CNTN4: variants seen among roughly 807,000 people sequenced by gnomAD.
The protein encoded by CNTN4 is contactin-4.
In CNTN4, 77 loss-of-function variants were observed where a neutral mutation model predicts 122.5. The observed-to-expected ratio is 0.63, with a 90% CI of 0.52 to 0.76. The LOEUF (loss-of-function observed/expected upper bound fraction) is 0.76, where lower values mean the gene tolerates loss of function less well. CNTN4 is among the 30% of genes least tolerant of loss of function. The pLI is 0.00. For synonymous variants in CNTN4, 512 were observed against 447.0 expected (o/e 1.15, Z -1.83); for missense variants, 1,256 against 1,259.1 (o/e 1.00, Z 0.04).
chr3:2,717,071 A>G (rs2087538548), intron 4 of CNTN4, among the ~76,000 whole-genome samples: 1 of 152,116 alleles, frequency 6.6e-6, no homozygotes, highest in Non-Finnish European at 1.5e-5. Flanking sequence ...TACTGCTATG[A>G]ACACTTGTGT....
intron 4 of CNTN4, among the ~76,000 whole-genome samples, chr3:2,708,318 T>G (rs1428870949): frequency 1.3e-5 from 2 of 152,114 alleles, no homozygotes; most frequent in African/African-American, 4.8e-5. Context: ...GAAATGGGGT[T>G]TCCAACAAAA....
chr3:2,955,222 A>T (rs1010618120), intron 13 of CNTN4, among the ~76,000 whole-genome samples: 4 of 152,334 alleles, frequency 2.6e-5, no homozygotes, highest in African/African-American at 9.6e-5. Context: ...AATGAGCAAG[A>T]TTAGATGCAA....
chr3:2,174,770 T>C (rs1187608109), intron 2 of CNTN4, among the ~76,000 whole-genome samples: 1 of 152,200 alleles, frequency 6.6e-6, no homozygotes, highest in African/African-American at 2.4e-5. Context: ...TGGCATCTGC[T>C]CAGCTTCTGG....
At chr3:2,418,922 A>G (rs2047515858) in intron 3 of CNTN4, among the ~76,000 whole-genome samples, 1 of 152,190 alleles carries the variant, frequency 6.6e-6, no homozygotes, top group Non-Finnish European at 1.5e-5. Context: ...TACAACCCGT[A>G]GGATGAAAAA....
At chr3:2,668,434 A>G (rs927027038) in intron 4 of CNTN4, among the ~76,000 whole-genome samples, 2 of 152,172 alleles carry the variant, frequency 1.3e-5, no homozygotes, top group South Asian at 2.1e-4. Flanking sequence ...ATTTTTGCAC[A>G]TTGATTTTGT....
chr3:3,034,611 G>C, intron 16 of CNTN4, 21 bp from the exon 17 acceptor site: 1 of 1,613,608 alleles, frequency 6.2e-7, no homozygotes, highest in East Asian at 2.2e-5. Flanking sequence ...CTCCAATTCT[G>C]GGGGTCTTGC....
intron 3 of CNTN4, among the ~76,000 whole-genome samples, chr3:2,509,519 A>T (rs1166471643): frequency 2.0e-5 from 3 of 152,206 alleles, no homozygotes; most frequent in Non-Finnish European, 4.4e-5. Context: ...CATTACCATT[A>T]ACTATTGGTA....
intron 4 of CNTN4, among the ~76,000 whole-genome samples, chr3:2,605,567 G>T (rs912515095): frequency 8.5e-5 from 13 of 152,122 alleles, no homozygotes; most frequent in African/African-American, 2.9e-4. Flanking sequence ...GAGCACAGCT[G>T]GGCAGCTATT....
intron 4 of CNTN4, among the ~76,000 whole-genome samples, chr3:2,655,897 A>C (rs1439124000): frequency 6.6e-6 from 1 of 152,194 alleles, no homozygotes; most frequent in Non-Finnish European, 1.5e-5. Flanking sequence ...AATGCCCATC[A>C]CATGGAGGAG....
chr3:2,679,770 T>A (rs890657432), intron 4 of CNTN4, among the ~76,000 whole-genome samples: 5 of 152,194 alleles, frequency 3.3e-5, no homozygotes, highest in African/African-American at 1.2e-4. Context: ...TTCAGAGAAG[T>A]CTTCCACAAC....
At chr3:2,670,504 G>T (rs765483113) in intron 4 of CNTN4, among the ~76,000 whole-genome samples, 2 of 152,072 alleles carry the variant, frequency 1.3e-5, no homozygotes, top group Admixed American at 1.3e-4. Flanking sequence ...CGTGGGATGG[G>T]TTTCCTAAAT....
In CNTN4 at chr3:2,899,501, G is replaced by A. The variant is rs140701394; in HGVS notation, c.941-1184G>A. ...ATCTTCTGCATGACTTTGGGCTGAA[G>A]GTCTTCTACCTGAATATGTTTATCA... is the stretch of plus-strand genomic sequence containing the variant. On this transcript the variant is annotated intron_variant, in intron 10 of 24. Coordinates refer to ENST00000418658, the MANE Select transcript of CNTN4 (RefSeq NM_175607.3). Among the ~76,000 whole-genome samples, 69 of 152,200 alleles carry A rather than the reference G, an allele frequency of 4.5e-4. 1 individual carries two copies. Among genetic ancestry groups the A allele is most frequent in the African/African-American group, 1.5e-3 (61 of 41,524 alleles).
intron 3 of CNTN4, among the ~76,000 whole-genome samples, chr3:2,535,974 C>A (rs148556385): frequency 0.014 from 2,126 of 152,146 alleles, 24 homozygotes; most frequent in Middle Eastern, 0.02. Context: ...CTTCAAAGAG[C>A]AAGCCCACCG....
At chr3:2,721,521 C>G (rs1392133935) in intron 4 of CNTN4, among the ~76,000 whole-genome samples, 2 of 152,062 alleles carry the variant, frequency 1.3e-5, no homozygotes, top group South Asian at 4.2e-4. Flanking sequence ...ATTTCATGTC[C>G]GGCATTGCTC....
intron 2 of CNTN4, among the ~76,000 whole-genome samples, chr3:2,322,751 A>G (rs1559451738): frequency 6.6e-6 from 1 of 152,226 alleles, no homozygotes; most frequent in Non-Finnish European, 1.5e-5. Context: ...CTTAGAAACT[A>G]AAATACTAAG....
At chr3:3,006,087 A>ACCGTTTTAGCCG (rs1559779396) in intron 14 of CNTN4, among the ~76,000 whole-genome samples, 1 of 151,898 alleles carries the variant, frequency 6.6e-6, no homozygotes, top group African/African-American at 2.4e-5. Context: ...ACGGGGTTTC[A>ACCGTTTTAGCCG]GGATGGTCTT....
chr3:2,492,920 TGATGGTACAGTTACACA>T (rs2076356882), intron 3 of CNTN4, among the ~76,000 whole-genome samples: 1 of 152,170 alleles, frequency 6.6e-6, no homozygotes, highest in Non-Finnish European at 1.5e-5. Flanking sequence ...CACAAAGACT[TGATGGTACAGTTACACA>T]GATTTAATTC....
chr3:2,817,039 A>G (rs2092752089), intron 6 of CNTN4, among the ~76,000 whole-genome samples: 1 of 152,174 alleles, frequency 6.6e-6, no homozygotes, highest in African/African-American at 2.4e-5. Flanking sequence ...TAGGATCTGG[A>G]TAGATATTCA....
intron 3 of CNTN4, among the ~76,000 whole-genome samples, chr3:2,353,788 A>G (rs542617280): frequency 5.6e-4 from 85 of 152,228 alleles, no homozygotes; most frequent in African/African-American, 2.0e-3. Flanking sequence ...GGTCCCAGCT[A>G]CTCGGGAGGC....
Sources: allele counts gnomAD v4.1 joint callset (sites outside exome capture counted in the v4.1 genomes callset), GRCh38; gene constraint gnomAD v4.1.1; transcripts MANE v1.5; gene names NCBI Gene and HGNC (gene_info 2026-07-23, HGNC 2026-07-21).